The following KIF26A variants were observed in gnomAD, a reference collection of about 807,000 sequenced individuals.
KIF26A encodes the protein kinesin-like protein KIF26A.
In KIF26A, 74 loss-of-function variants were observed where a neutral mutation model predicts 126.0. That is an observed-to-expected ratio of 0.59 (90% CI 0.49 to 0.71). KIF26A has a LOEUF of 0.71. KIF26A is among the 30% of genes least tolerant of loss of function. KIF26A has a pLI of 0.00. For synonymous variants in KIF26A, 1,445 were observed against 1,232.7 expected, an observed-to-expected ratio of 1.17 and a Z score of -3.61; for missense variants, 2,984 against 2,763.3, an observed-to-expected ratio of 1.08 and a Z score of -1.79.
Position 104,179,739 on chromosome 14 carries a change from C to T in KIF26A, c.5598C>T (p.Ile1866=), listed in dbSNP as rs778096442. The T allele has an allele frequency of 3.2e-6, 5 of 1,554,280 alleles. No homozygotes were observed. In the South Asian group the frequency reaches 4.8e-5, roughly 15 times the overall value. Residue 1866 remains isoleucine (I), a synonymous_variant, in exon 15 of 15, where the codon ATC becomes ATT. Transcript: ENST00000423312. Reference sequence around the variant, plus strand: ...TCATGATGGTCACCTGCTTCGACATCAGCGTTGCAGCCAGTGCTGCCATCC... The same window carrying T: ...TCATGATGGTCACCTGCTTCGACATTAGCGTTGCAGCCAGTGCTGCCATCC... ...AHVMMVTCFD[I]SVAASAAIPG...
In KIF26A at chr14:104,166,719, C is replaced by T. The variant is rs1019689382; in HGVS notation, c.924-140C>T. The stretch of plus-strand genomic sequence containing the variant: ...CACTGTAGAAATGAAGTGCAGGCCT[C>T]CCAGCCACATTTTGGACTGGGTTTC... On this transcript the variant is annotated intron_variant, in intron 4 of 14. Transcript: ENST00000423312. The T allele has an allele frequency of 8.6e-6, 7 of 811,600 alleles. No homozygotes were observed. The Admixed American group carries it at 2.0e-4, about 24-fold the overall frequency. 50.3% of individuals were successfully genotyped at this position (811,600 alleles called of 1,614,324 possible).
At position 104,152,433 on chromosome 14, in the gene KIF26A, T is replaced by A. The variant is rs1282214772; in HGVS notation, c.707T>A (p.Val236Asp). Residue 236 changes from valine to aspartate, a missense_variant, in exon 3 of 15, where the codon GTC becomes GAC. Val to Asp is a radical substitution (Grantham distance 152). Coordinates refer to ENST00000423312, the MANE Select transcript of KIF26A (RefSeq NM_015656.2). The surrounding 1 kb of genome is among the most constrained non-coding windows in gnomAD (Gnocchi z 5.9). Reference protein sequence around the residue: ...CLEGMWSVSRVNSFLPPACLA... With the variant: ...CLEGMWSVSRDNSFLPPACLA... ...GAGGGCATGTGGAGTGTCTCGCGGGTCAACAGCTTCCTCCCGCCGGCGTGC... is the reference window on the plus strand; with the variant it reads ...GAGGGCATGTGGAGTGTCTCGCGGGACAACAGCTTCCTCCCGCCGGCGTGC... 6.3e-7 allele frequency: 1 copy of A among 1,590,142 alleles called. No individual in the cohort carries two copies.
At chr14:104,166,509 G>A (rs990822927) in intron 4 of KIF26A, among the ~76,000 whole-genome samples, 28 of 152,270 alleles carry the variant, frequency 1.8e-4, no homozygotes, top group Non-Finnish European at 2.5e-4. Context: ...TTCACTGTCC[G>A]ACCCCCGGCA....
At position 104,162,918 on chromosome 14, in the gene KIF26A, TC is replaced by T. The variant is rs947117065; in HGVS notation, c.924-3935del. ...ACCTGCACCTGCAGGGCCCTGCCCTTCCCCCCGCCCCGCCCCAAGAAACCTG... is the reference window on the plus strand; with the variant it reads ...ACCTGCACCTGCAGGGCCCTGCCCTTCCCCCGCCCCGCCCCAAGAAACCTG... On this transcript the variant is annotated intron_variant, in intron 4 of 14. Coordinates refer to ENST00000423312, the MANE Select transcript of KIF26A (RefSeq NM_015656.2). 2.0e-5 allele frequency among the ~76,000 whole-genome samples: 3 copies of T among 151,506 alleles called. 1 individual carries two copies. The highest frequency in any genetic ancestry group is 4.4e-5 in the Non-Finnish European group (3 of 67,860).
intron 3 of KIF26A, among the ~76,000 whole-genome samples, chr14:104,156,043 AC>A (rs2037773979): frequency 6.6e-6 from 1 of 152,014 alleles, no homozygotes; most frequent in Non-Finnish European, 1.5e-5. Context: ...GCGACGAGCC[AC>A]CTGTGGGTGC....
intron 11 of KIF26A, among the ~76,000 whole-genome samples, chr14:104,174,692 G>A (rs1246522627): frequency 2.0e-5 from 3 of 152,166 alleles, no homozygotes; most frequent in Non-Finnish European, 2.9e-5. Context: ...ACGGCCCTTG[G>A]TGTGAGTCCT....
Position 104,179,874 on chromosome 14 carries a change from C to CA in KIF26A, c.*84_*85insA, listed in dbSNP as rs571117900. The CA allele has an allele frequency of 9.3e-7, 1 of 1,076,626 alleles. No individual in the cohort carries two copies. Among genetic ancestry groups the CA allele is most frequent in the African/African-American group, 1.7e-5 (1 of 57,736 alleles). The allele number at this position is 1,076,626 out of a possible 1,614,324, so 66.7% of individuals were successfully genotyped here. ...CGGAGCGAGGATGTGGTGGGGGCTG[C>CA]GGGGGGAGGATGCGGAGGGGTTTCT... On this transcript the variant is annotated 3_prime_UTR_variant, in exon 15 of 15. Coordinates refer to ENST00000423312, the MANE Select transcript of KIF26A (RefSeq NM_015656.2).
chr14:104,147,762 T>A (rs1430553585), intron 2 of KIF26A, among the ~76,000 whole-genome samples: 7 of 152,146 alleles, frequency 4.6e-5, no homozygotes, highest in Admixed American at 3.3e-4. Flanking sequence ...ACGCTTTGTT[T>A]GGGAAGGAAA....
intron 5 of KIF26A, among the ~76,000 whole-genome samples, chr14:104,170,675 C>T (rs2037948413): frequency 6.6e-6 from 1 of 152,242 alleles, no homozygotes; most frequent in African/African-American, 2.4e-5. Flanking sequence ...TTCAGGGTGG[C>T]CCTCGTGTGC....
chr14:104,167,307 G>A (rs538359113), intron 5 of KIF26A, among the ~76,000 whole-genome samples: 3 of 152,066 alleles, frequency 2.0e-5, no homozygotes, highest in Non-Finnish European at 2.9e-5. Flanking sequence ...TCAGCGTGGG[G>A]CGGGACAGCC....
chr14:104,166,792 C>T (rs959941256), intron 4 of KIF26A, 67 bp from the exon 5 acceptor site: 32 of 1,397,658 alleles, frequency 2.3e-5, no homozygotes, highest in African/African-American at 8.7e-5. Flanking sequence ...CCTGGTGACT[C>T]GCAGGCGGGT....
chr14:104,169,516 C>A (rs2141112070), intron 5 of KIF26A, among the ~76,000 whole-genome samples: 1 of 152,336 alleles, frequency 6.6e-6, no homozygotes, highest in South Asian at 2.1e-4. Context: ...AGCCCTGGGT[C>A]ACCAGCCTTC....
chr14:104,173,899 A>G lies in KIF26A; in HGVS notation c.2030+31A>G, dbSNP rs113475777. On this transcript the variant is annotated intron_variant, in intron 10 of 14. Transcript: ENST00000423312. Reference sequence around the variant, plus strand: ...TGTAGGGCCTGGGCAGGTGCCGACCAGGGTGGCCCCTTGGTGACCTGGTAA... The same window carrying G: ...TGTAGGGCCTGGGCAGGTGCCGACCGGGGTGGCCCCTTGGTGACCTGGTAA... 2.9e-3 allele frequency: 4,537 copies of G among 1,540,228 alleles called. 119 individuals carry two copies. The African/African-American group carries it at 0.055, about 19-fold the overall frequency.
Position 104,174,169 on chromosome 14 carries a change from G to C in KIF26A, c.2052G>C (p.Leu684=), listed in dbSNP as rs1485405372. ...GCAGGGACCACAGGCTCACCATGCTGCTGCGTGAATCCCTGGCCACCGCTG... is the reference window on the plus strand; with the variant it reads ...GCAGGGACCACAGGCTCACCATGCTCCTGCGTGAATCCCTGGCCACCGCTG... The part of the protein sequence containing the change: ...VPYRDHRLTM[L]LRESLATAGC... Residue 684 remains leucine, a synonymous_variant, in exon 11 of 15, where the codon CTG becomes CTC. Coordinates refer to ENST00000423312, the MANE Select transcript of KIF26A (RefSeq NM_015656.2). 1 of 1,587,886 alleles carries C rather than the reference G, an allele frequency of 6.3e-7. No individual in the cohort carries two copies. The highest frequency in any genetic ancestry group is 1.7e-5 in the Admixed American group (1 of 57,714).
At chr14:104,164,267 C>T (rs2037859821) in intron 4 of KIF26A, among the ~76,000 whole-genome samples, 1 of 147,848 alleles carries the variant, frequency 6.8e-6, no homozygotes, top group Non-Finnish European at 1.5e-5. Context: ...GGGCGTGGGG[C>T]ATGTTAGGGG....
chr14:104,175,026 C>G lies in KIF26A; in HGVS notation c.2238C>G (p.Gly746=). The G allele has an allele frequency of 6.4e-7, 1 of 1,559,180 alleles. No individual in the cohort carries two copies. The highest frequency in any genetic ancestry group is 8.7e-7 in the Non-Finnish European group (1 of 1,155,834). Residue 746 remains glycine, a synonymous_variant, in exon 12 of 15, where the codon GGC becomes GGG. Transcript: ENST00000423312. The part of the protein sequence containing the change: ...SSGGESSCEE[G]RARRPPHLRP... ...GCGGGGAGAGCTCCTGTGAGGAAGG[C>G]CGGGCCCGTCGGCCCCCGCACCTGC...
At chr14:104,154,375 G>C (rs2037758024) in intron 3 of KIF26A, among the ~76,000 whole-genome samples, 2 of 152,342 alleles carry the variant, frequency 1.3e-5, no homozygotes, top group Admixed American at 1.3e-4. Context: ...CTGGCCAGAA[G>C]GCTGGTCCTT....
At chr14:104,163,571 C>T (rs558278823) in intron 4 of KIF26A, among the ~76,000 whole-genome samples, 17 of 149,644 alleles carry the variant, frequency 1.1e-4, no homozygotes, top group African/African-American at 2.5e-4. Context: ...CACACAGGCC[C>T]GGGCCCCACG....
intron 2 of KIF26A, among the ~76,000 whole-genome samples, chr14:104,140,417 C>G (rs970755738): frequency 3.3e-5 from 5 of 152,160 alleles, no homozygotes; most frequent in African/African-American, 1.2e-4. Flanking sequence ...TAGCAGGAGA[C>G]CCTTGAGGGC....
Sources: gnomAD v4.1 joint callset for allele counts (sites outside exome capture counted in the v4.1 genomes callset) on GRCh38, gnomAD v4.1.1 for gene constraint, Gnocchi (gnomAD v3.1) non-coding constraint, MANE v1.5 for transcripts, NCBI Gene and HGNC (gene_info 2026-07-23, HGNC 2026-07-21) for gene names.